SEL1L2: variants seen among roughly 807,000 people sequenced by gnomAD.
The protein encoded by SEL1L2 is protein sel-1 homolog 2.
In SEL1L2, 89 loss-of-function variants were observed where a neutral mutation model predicts 98.8. The observed-to-expected ratio is 0.90, with a 90% CI of 0.76 to 1.07. SEL1L2 has a LOEUF of 1.07. Ranked by LOEUF, SEL1L2 falls within the 50% of genes least tolerant of loss-of-function variation. The pLI, the probability that SEL1L2 is intolerant of heterozygous loss-of-function variation, is 0.00. For missense variants in SEL1L2, 788 were observed against 812.0 expected, an observed-to-expected ratio of 0.97 and a Z score of 0.36; for synonymous variants, 262 against 278.5, an observed-to-expected ratio of 0.94 and a Z score of 0.59.
chr20:13,958,766 C>T (rs901104528), intron 1 of SEL1L2, among the ~76,000 whole-genome samples: 9 of 151,134 alleles, frequency 6.0e-5, no homozygotes, highest in Non-Finnish European at 1.2e-4. Context: ...GAAAGCCCAT[C>T]TCTACTAAAA....
At chr20:13,879,964 C>T (rs2046617995) in intron 10 of SEL1L2, among the ~76,000 whole-genome samples, 1 of 152,184 alleles carries the variant, frequency 6.6e-6, no homozygotes, top group African/African-American at 2.4e-5. Context: ...GATCTCACGG[C>T]ACCTCATCCT....
intron 1 of SEL1L2, among the ~76,000 whole-genome samples, chr20:13,988,670 A>G (rs1398367618): frequency 6.6e-6 from 1 of 152,120 alleles, no homozygotes; most frequent in Non-Finnish European, 1.5e-5. Flanking sequence ...GAATTTTAAG[A>G]CCAGTTTGCC....
chr20:13,953,384 G>T (rs905780810), intron 2 of SEL1L2, among the ~76,000 whole-genome samples: 3 of 152,188 alleles, frequency 2.0e-5, no homozygotes, highest in Non-Finnish European at 4.4e-5. Context: ...TAGCTAGCTA[G>T]ACCTCTGAGG....
chr20:13,885,947 G>C (rs1052540396), intron 9 of SEL1L2, among the ~76,000 whole-genome samples: 5 of 151,916 alleles, frequency 3.3e-5, no homozygotes, highest in African/African-American at 1.2e-4. Flanking sequence ...TGAGGCAGGA[G>C]AATGGTGTGA....
At chr20:13,963,860 A>G (rs183705336) in intron 1 of SEL1L2, among the ~76,000 whole-genome samples, 1 of 152,202 alleles carries the variant, frequency 6.6e-6, no homozygotes, top group Admixed American at 6.5e-5. Flanking sequence ...TCCACCTTCT[A>G]TATGCCTAAA....
chr20:13,900,906 G>A (rs945524208), intron 5 of SEL1L2, among the ~76,000 whole-genome samples: 2 of 152,114 alleles, frequency 1.3e-5, no homozygotes, highest in East Asian at 3.8e-4. Context: ...ATTATTGGGA[G>A]CATTTTAAAG....
At chr20:13,864,619 G>A (rs1323090171) in intron 17 of SEL1L2, among the ~76,000 whole-genome samples, 1 of 152,144 alleles carries the variant, frequency 6.6e-6, no homozygotes, top group Non-Finnish European at 1.5e-5. Context: ...GAAACTCGAG[G>A]AAAAGCGAGA....
intron 1 of SEL1L2, among the ~76,000 whole-genome samples, chr20:13,960,247 T>A (rs1456198027): frequency 2.6e-5 from 4 of 151,964 alleles, no homozygotes; most frequent in Non-Finnish European, 5.9e-5. Context: ...TGTATTTGAG[T>A]GAGAGGAGAA....
chr20:13,918,176 A>G (rs1051978060), intron 4 of SEL1L2, among the ~76,000 whole-genome samples: 38 of 152,150 alleles, frequency 2.5e-4, no homozygotes, highest in African/African-American at 9.2e-4. Context: ...GGGACTCAAG[A>G]TAAAACTAAC....
intron 1 of SEL1L2, among the ~76,000 whole-genome samples, chr20:13,966,345 G>A (rs539635174): frequency 8.0e-4 from 122 of 151,950 alleles, no homozygotes; most frequent in African/African-American, 2.8e-3. Context: ...TTGAGGCGGA[G>A]TTTCGCTCTG....
At position 13,877,565 on chromosome 20, in the gene SEL1L2, C is replaced by T. The variant is rs778081202; in HGVS notation, c.981G>A (p.Lys327=). Residue 327 remains lysine (K), a synonymous_variant, in exon 11 of 20, where the codon AAG becomes AAA. Transcript: ENST00000284951. The part of the protein sequence containing the change: ...DYYKALHYFL[K]AAKAGSANAM... ...CATTTGCACTCCCGGCCTTTGCTGCCTTTAAGAAGTAGTGTAATGCTTTCT... is the reference window on the plus strand; with the variant it reads ...CATTTGCACTCCCGGCCTTTGCTGCTTTTAAGAAGTAGTGTAATGCTTTCT... The T allele has an allele frequency of 6.2e-7, 1 of 1,613,230 alleles. No homozygotes were observed.
chr20:13,889,265 C>T (rs922199929), intron 5 of SEL1L2, among the ~76,000 whole-genome samples: 5 of 151,800 alleles, frequency 3.3e-5, no homozygotes, highest in African/African-American at 9.7e-5. Flanking sequence ...GGATTACAGG[C>T]GTGAGCCACC....
At chr20:13,962,676 C>T (rs986585577) in intron 1 of SEL1L2, among the ~76,000 whole-genome samples, 1 of 152,148 alleles carries the variant, frequency 6.6e-6, no homozygotes, top group Non-Finnish European at 1.5e-5. Flanking sequence ...CTTCTTGATT[C>T]AAAAATCTCA....
At chr20:13,861,122 CT>C (rs1377029756) in intron 17 of SEL1L2, among the ~76,000 whole-genome samples, 1 of 152,168 alleles carries the variant, frequency 6.6e-6, no homozygotes, top group African/African-American at 2.4e-5. Flanking sequence ...CTTCTTTTAT[CT>C]TCACTTTCCA....
intron 1 of SEL1L2, among the ~76,000 whole-genome samples, chr20:13,976,165 C>G (rs540095988): frequency 6.6e-6 from 1 of 152,108 alleles, no homozygotes; most frequent in South Asian, 2.1e-4. Flanking sequence ...CCACACCCAG[C>G]TAATTTTGGT....
intron 1 of SEL1L2, among the ~76,000 whole-genome samples, chr20:13,980,298 C>T (rs1286633135): frequency 1.3e-5 from 2 of 152,208 alleles, no homozygotes; most frequent in African/African-American, 2.4e-5. Context: ...CCACTGCAAC[C>T]TCTGCCTCCT....
chr20:13,990,166 A>G (rs1190181141), intron 1 of SEL1L2, among the ~76,000 whole-genome samples: 1 of 152,184 alleles, frequency 6.6e-6, no homozygotes, highest in Non-Finnish European at 1.5e-5. Context: ...TCTAAATTTA[A>G]TAACACTTAA....
chr20:13,865,055 T>G, intron 17 of SEL1L2, 112 bp downstream of exon 17: 2 of 753,092 alleles, frequency 2.7e-6, no homozygotes, highest in Non-Finnish European at 4.6e-6. Flanking sequence ...TGTCACCTAC[T>G]TGATATTCTA....
chr20:13,878,277 T>C (rs182711985), intron 10 of SEL1L2, among the ~76,000 whole-genome samples: 1 of 149,974 alleles, frequency 6.7e-6, no homozygotes, highest in African/African-American at 2.4e-5. Flanking sequence ...ATAAAAGAAA[T>C]CAGCCTCAAG....
Sources: gnomAD v4.1 joint callset for allele counts (sites outside exome capture counted in the v4.1 genomes callset) on GRCh38, gnomAD v4.1.1 for gene constraint, MANE v1.5 for transcripts, NCBI Gene and HGNC (gene_info 2026-07-23, HGNC 2026-07-21) for gene names.